Variants in RFX3 observed in about 807,000 individuals in gnomAD.
RFX3 encodes regulatory factor X3.
Under a neutral mutation model 98.6 loss-of-function variants are expected in RFX3, and 14 were observed. The observed-to-expected ratio is 0.14, with a 90% confidence interval of 0.09 to 0.22. The LOEUF (loss-of-function observed/expected upper bound fraction) is 0.22. RFX3 is among the 10% of genes least tolerant of loss of function. The probability of loss-of-function intolerance (pLI) is 1.00; values close to 1 mark genes in which losing one functional copy is unlikely to be tolerated. For synonymous variants in RFX3, 383 were observed against 328.4 expected, an observed-to-expected ratio of 1.17 and a Z score of -1.80; for missense variants, 639 against 926.9, an observed-to-expected ratio of 0.69 and a Z score of 4.03.
intron 9 of RFX3, among the ~76,000 whole-genome samples, chr9:3,272,919 T>C (rs1332900273): frequency 6.6e-6 from 1 of 152,176 alleles, no homozygotes; most frequent in East Asian, 1.9e-4. Flanking sequence ...ATATGTACTG[T>C]AGGAAATGTG....
At chr9:3,445,497 C>T (rs918406167) in intron 1 of RFX3, among the ~76,000 whole-genome samples, 3 of 152,138 alleles carry the variant, frequency 2.0e-5, no homozygotes, top group African/African-American at 7.2e-5. Flanking sequence ...AAGTCAAGCC[C>T]ATCTGGCTTC....
chr9:3,277,524 C>T lies in RFX3; in HGVS notation c.852-63G>A, dbSNP rs1215489978. ...TTATTCCTTGCTTTTTTGTACTACCCGAAACTCCCAAAGCATTCAGTTTTA... is the reference window on the plus strand; with the variant it reads ...TTATTCCTTGCTTTTTTGTACTACCTGAAACTCCCAAAGCATTCAGTTTTA... On this transcript the variant is annotated intron_variant, in intron 7 of 16. Coordinates refer to ENST00000617270, the MANE Select transcript of RFX3 (RefSeq NM_001282116.2). 12 of 1,416,424 alleles carry T rather than the reference C, an allele frequency of 8.5e-6. No homozygotes were observed. The African/African-American group carries it at 9.9e-5, about 12-fold the overall frequency. The allele number at this position is 1,416,424 out of a possible 1,614,324, so 87.7% of individuals were successfully genotyped here.
chr9:3,251,963 C>T (rs1223067657), intron 14 of RFX3, among the ~76,000 whole-genome samples: 2 of 152,124 alleles, frequency 1.3e-5, no homozygotes, highest in African/African-American at 2.4e-5. Context: ...ATTCTCCTGC[C>T]TCAGCCTCCC....
chr9:3,464,636 G>A (rs1848033047), intron 1 of RFX3, among the ~76,000 whole-genome samples: 1 of 152,164 alleles, frequency 6.6e-6, no homozygotes, highest in Non-Finnish European at 1.5e-5. Flanking sequence ...ACTACAAAAG[G>A]GCAGGAACAA....
chr9:3,298,050 A>G (rs1828201092), intron 5 of RFX3, among the ~76,000 whole-genome samples: 1 of 151,968 alleles, frequency 6.6e-6, no homozygotes, highest in Non-Finnish European at 1.5e-5. Flanking sequence ...CAGACTATAC[A>G]TCTCATACTG....
chr9:3,521,564 T>C (rs776742010), intron 1 of RFX3, among the ~76,000 whole-genome samples: 5 of 152,144 alleles, frequency 3.3e-5, no homozygotes, highest in Non-Finnish European at 7.4e-5. Context: ...AAGGACAGAA[T>C]TGTAGAGTAA....
At chr9:3,369,445 T>C (rs1837563238) in intron 2 of RFX3, among the ~76,000 whole-genome samples, 1 of 152,208 alleles carries the variant, frequency 6.6e-6, no homozygotes, top group African/African-American at 2.4e-5. Flanking sequence ...GGTAAGGATT[T>C]CAGTATATAA....
At chr9:3,381,188 A>C (rs948167754) in intron 2 of RFX3, among the ~76,000 whole-genome samples, 1 of 152,040 alleles carries the variant, frequency 6.6e-6, no homozygotes. Flanking sequence ...CCTCAAATTC[A>C]AGGAAAAACC....
intron 4 of RFX3, 145 bp downstream of exon 4, chr9:3,330,114 A>T: frequency 1.3e-6 from 1 of 783,954 alleles, no homozygotes; most frequent in Non-Finnish European, 2.0e-6. Context: ...TACATATACT[A>T]CATTCTGCAA....
chr9:3,270,993 T>C lies in RFX3; in HGVS notation c.1202+10A>G, dbSNP rs769065677. 4 of 1,613,618 alleles carry C rather than the reference T, an allele frequency of 2.5e-6. No individual in the cohort carries two copies. In the South Asian group the frequency reaches 3.3e-5, roughly 13 times the overall value. ...CATGAAAATGAATTGGAAAAGATGT[T>C]GATTCTGACCTCGATTCGGTAATGG... On this transcript the variant is annotated intron_variant, in intron 10 of 16. Transcript: ENST00000617270.
intron 3 of RFX3, among the ~76,000 whole-genome samples, chr9:3,342,939 C>T (rs1189910174): frequency 6.6e-6 from 1 of 152,182 alleles, no homozygotes; most frequent in South Asian, 2.1e-4. Flanking sequence ...ATTACCTTCT[C>T]CCTTGAGCAA....
At chr9:3,270,260 G>C in intron 11 of RFX3, 111 bp downstream of exon 11, 2 of 1,144,022 alleles carry the variant, frequency 1.7e-6, no homozygotes, top group Non-Finnish European at 2.5e-6. Flanking sequence ...TTTCTATCTG[G>C]CAAATCTAAA....
At chr9:3,319,923 G>A (rs770889540) in intron 4 of RFX3, among the ~76,000 whole-genome samples, 20 of 150,430 alleles carry the variant, frequency 1.3e-4, no homozygotes, top group Non-Finnish European at 3.0e-4. Context: ...ATTCCAAAAT[G>A]TTGAACAGTA....
At chr9:3,432,840 G>A (rs1406920294) in intron 1 of RFX3, among the ~76,000 whole-genome samples, 1 of 152,094 alleles carries the variant, frequency 6.6e-6, no homozygotes, top group East Asian at 1.9e-4. Flanking sequence ...CTATGACATG[G>A]GCGCTAAAAC....
chr9:3,285,084 C>T (rs866031620), intron 7 of RFX3, among the ~76,000 whole-genome samples: 30 of 151,642 alleles, frequency 2.0e-4, no homozygotes, highest in African/African-American at 7.3e-4. Flanking sequence ...GAAAAATGTA[C>T]AATTGAGCTC....
chr9:3,427,114 T>C (rs1414423499), intron 1 of RFX3, among the ~76,000 whole-genome samples: 1 of 151,206 alleles, frequency 6.6e-6, no homozygotes, highest in African/African-American at 2.4e-5. Flanking sequence ...AACTAGGCCA[T>C]CTCAAGGTCT....
intron 1 of RFX3, among the ~76,000 whole-genome samples, chr9:3,427,449 T>C (rs1324118409): frequency 1.4e-5 from 2 of 143,726 alleles, no homozygotes; most frequent in Non-Finnish European, 3.0e-5. Context: ...TATTGTTATA[T>C]AATAATACAA....
chr9:3,331,944 T>A (rs1285382072), intron 3 of RFX3, among the ~76,000 whole-genome samples: 2 of 152,136 alleles, frequency 1.3e-5, no homozygotes, highest in Non-Finnish European at 2.9e-5. Flanking sequence ...CTGTGTAAAA[T>A]TTAACGTATG....
At chr9:3,480,694 T>C (rs117427773) in intron 1 of RFX3, among the ~76,000 whole-genome samples, 3,095 of 152,302 alleles carry the variant, frequency 0.02, 37 homozygotes, top group Non-Finnish European at 0.032. Context: ...ATCTTAATTA[T>C]AAGTGGAACC....
Sources: gnomAD v4.1 joint callset for allele counts (sites outside exome capture counted in the v4.1 genomes callset) on GRCh38, gnomAD v4.1.1 for gene constraint, MANE v1.5 for transcripts, NCBI Gene and HGNC (gene_info 2026-07-23, HGNC 2026-07-21) for gene names.